PKP4: variants seen among roughly 807,000 people sequenced by gnomAD.
PKP4 encodes plakophilin-4.
In PKP4, 90 loss-of-function variants were observed where a neutral mutation model predicts 145.1. That is an observed-to-expected ratio of 0.62 (90% CI 0.52 to 0.74). PKP4 has a LOEUF of 0.74. Ranked by LOEUF, PKP4 falls within the 30% of genes least tolerant of loss-of-function variation. The pLI is 0.00. For synonymous variants in PKP4, 563 were observed against 577.2 expected (o/e 0.98, Z 0.35); for missense variants, 1,340 against 1,482.7 (o/e 0.90, Z 1.58).
At chr2:158,594,123 G>A (rs961143852) in intron 3 of PKP4, among the ~76,000 whole-genome samples, 1 of 152,094 alleles carries the variant, frequency 6.6e-6, no homozygotes, top group Admixed American at 6.6e-5. Context: ...TAGCCATCTT[G>A]TTTGCTCATT....
chr2:158,484,140 C>T (rs1170849405), intron 1 of PKP4, among the ~76,000 whole-genome samples: 3 of 151,708 alleles, frequency 2.0e-5, no homozygotes, highest in South Asian at 2.1e-4. Context: ...CTCCGCCTCC[C>T]GGGTTCACGC....
chr2:158,598,643 C>T (rs2105839326), intron 3 of PKP4, among the ~76,000 whole-genome samples: 1 of 152,148 alleles, frequency 6.6e-6, no homozygotes, highest in Non-Finnish European at 1.5e-5. Flanking sequence ...GTAGCGGGCA[C>T]CTGTAGTCCC....
chr2:158,580,547 T>C (rs2048246021), intron 3 of PKP4, among the ~76,000 whole-genome samples: 1 of 152,198 alleles, frequency 6.6e-6, no homozygotes, highest in Non-Finnish European at 1.5e-5. Flanking sequence ...TGAAGAACTT[T>C]ATTAGATCTT....
chr2:158,512,418 G>T (rs1200472928), intron 1 of PKP4, among the ~76,000 whole-genome samples: 1 of 152,218 alleles, frequency 6.6e-6, no homozygotes, highest in African/African-American at 2.4e-5. Flanking sequence ...CACAGCCATT[G>T]CACAGCAGTG....
At chr2:158,631,646 C>T in intron 7 of PKP4, 107 bp from the exon 8 acceptor site, 1 of 955,784 alleles carries the variant, frequency 1.0e-6, no homozygotes, top group Non-Finnish European at 1.7e-6. Flanking sequence ...CCACCTCTGT[C>T]TCCCAAAGTG....
At chr2:158,592,833 A>G (rs1387325702) in intron 3 of PKP4, among the ~76,000 whole-genome samples, 1 of 152,158 alleles carries the variant, frequency 6.6e-6, no homozygotes, top group Non-Finnish European at 1.5e-5. Flanking sequence ...AATGTACGAA[A>G]TTAAATTGTA....
intron 3 of PKP4, among the ~76,000 whole-genome samples, chr2:158,580,276 T>C (rs3755414): frequency 0.028 from 4,272 of 152,304 alleles, 157 homozygotes; most frequent in East Asian, 0.13. Context: ...AGTGACTTTT[T>C]TTGTGGTTCC....
chr2:158,586,558 C>A (rs1203632081), intron 3 of PKP4, among the ~76,000 whole-genome samples: 2 of 152,178 alleles, frequency 1.3e-5, no homozygotes, highest in Non-Finnish European at 2.9e-5. Context: ...AATATAATTA[C>A]CGGAAACCCT....
In PKP4 at chr2:158,634,198, G is replaced by C; in HGVS notation, c.1471G>C (p.Glu491Gln). 2 of 1,614,112 alleles carry C rather than the reference G, an allele frequency of 1.2e-6. No homozygotes were observed. Among genetic ancestry groups the C allele is most frequent in the South Asian group, 1.1e-5 (1 of 91,072 alleles). The change falls in exon 9 of 22, where the codon GAG becomes CAG. Residue 491 changes from glutamate (E) to glutamine (Q), a missense_variant. Transcript: ENST00000389759. ...PYRPIQYRVQ[E>Q]CNYNRLQHAV... ...CAGGCCTATACAATACCGAGTGCAAGAGTGCAATTATAACAGGCTTCAGCA... is the reference window on the plus strand; with the variant it reads ...CAGGCCTATACAATACCGAGTGCAACAGTGCAATTATAACAGGCTTCAGCA...
chr2:158,458,042 C>T, intron 1 of PKP4: 1 of 152,740 alleles, frequency 6.5e-6, no homozygotes, highest in Non-Finnish European at 1.5e-5. Flanking sequence ...CGGGATTTGG[C>T]TGCGTGTTGG....
chr2:158,653,645 C>A (rs1160929751), intron 11 of PKP4, among the ~76,000 whole-genome samples: 1 of 152,170 alleles, frequency 6.6e-6, no homozygotes, highest in Non-Finnish European at 1.5e-5. Context: ...TAGCTAATTG[C>A]TTTAAATTAA....
chr2:158,471,675 A>G (rs185803528), intron 1 of PKP4, among the ~76,000 whole-genome samples: 1 of 152,212 alleles, frequency 6.6e-6, no homozygotes, highest in Non-Finnish European at 1.5e-5. Context: ...GCCTGTTTTA[A>G]TATTTCTCCA....
chr2:158,468,555 A>G (rs1052501400), intron 1 of PKP4, among the ~76,000 whole-genome samples: 15 of 152,056 alleles, frequency 9.9e-5, no homozygotes, highest in Non-Finnish European at 2.9e-5. Context: ...TTTCACTTAT[A>G]TATGATCATA....
intron 4 of PKP4, among the ~76,000 whole-genome samples, chr2:158,610,593 A>G (rs113639581): frequency 6.6e-6 from 1 of 152,228 alleles, no homozygotes; most frequent in Non-Finnish European, 1.5e-5. Flanking sequence ...ATCAGAAAGA[A>G]TCTATAGGTT....
intron 2 of PKP4, among the ~76,000 whole-genome samples, chr2:158,557,331 A>C (rs1056511882): frequency 6.6e-6 from 1 of 152,184 alleles, no homozygotes; most frequent in African/African-American, 2.4e-5. Flanking sequence ...ACAGGAGGAA[A>C]TGTAAGGGAA....
At chr2:158,462,554 G>C (rs1689931055) in intron 1 of PKP4, among the ~76,000 whole-genome samples, 1 of 152,128 alleles carries the variant, frequency 6.6e-6, no homozygotes, top group Non-Finnish European at 1.5e-5. Context: ...TGGGAAGTGA[G>C]GGGAAGGGAT....
At chr2:158,581,852 T>C (rs1437884491) in intron 3 of PKP4, among the ~76,000 whole-genome samples, 1 of 152,254 alleles carries the variant, frequency 6.6e-6, no homozygotes. Context: ...TAAAATTCCT[T>C]AGTTTTTCTA....
In PKP4 at chr2:158,640,701, C is replaced by G. The variant is rs767097266; in HGVS notation, c.1637C>G (p.Ala546Gly). ...MLQHQFPSVQ[A>G]NAAAYLQHLC... is the part of the protein sequence containing the mutation. ...CAGCACCAGTTCCCATCTGTTCAGG[C>G]AAATGCAGCGGCCTACCTGCAGCAC... is the stretch of plus-strand genomic sequence containing the variant. Residue 546 changes from alanine to glycine, a missense_variant, in exon 10 of 22, where the codon GCA becomes GGA. Ala to Gly is a moderately conservative substitution (Grantham distance 60, BLOSUM62 0). Transcript: ENST00000389759. The G allele has an allele frequency of 1.9e-6, 3 of 1,613,966 alleles. No homozygotes were observed. The highest frequency in any genetic ancestry group is 2.5e-6 in the Non-Finnish European group (3 of 1,179,988).
chr2:158,680,661 C>T lies in PKP4; in HGVS notation c.3563C>T (p.Pro1188Leu). 2 of 1,612,642 alleles carry T rather than the reference C, an allele frequency of 1.2e-6. No individual in the cohort carries two copies. Among genetic ancestry groups the T allele is most frequent in the Non-Finnish European group, 1.7e-6 (2 of 1,179,182 alleles). Residue 1188 changes from proline to leucine, a missense_variant, in exon 22 of 22, where the codon CCA becomes CTA. Pro to Leu is a moderately conservative substitution (Grantham distance 98, BLOSUM62 -3). Coordinates refer to ENST00000389759, the MANE Select transcript of PKP4 (RefSeq NM_003628.6). ...SYRAEQYPGSPDSWV is the reference protein window; with the variant it reads ...SYRAEQYPGSLDSWV ...AGAGCAGAACAGTACCCAGGGTCCC[C>T]AGACTCATGGGTGTAGCATCAAGAT...
Sources: gnomAD v4.1 joint callset for allele counts (sites outside exome capture counted in the v4.1 genomes callset) on GRCh38, gnomAD v4.1.1 for gene constraint, MANE v1.5 for transcripts, NCBI Gene and HGNC (gene_info 2026-07-23, HGNC 2026-07-21) for gene names.